The following NFX1 variants were observed in gnomAD, a reference collection of about 807,000 sequenced individuals.
NFX1 encodes transcriptional repressor NF-X1.
Under a neutral mutation model 137.2 loss-of-function variants are expected in NFX1, and 69 were observed. That is an observed-to-expected ratio of 0.50 (90% CI 0.41 to 0.61). NFX1 has a LOEUF of 0.61. Ranked by LOEUF, NFX1 falls within the 20% of genes least tolerant of loss-of-function variation. NFX1 has a pLI of 0.00. For synonymous variants in NFX1, 495 were observed against 474.1 expected, an observed-to-expected ratio of 1.04 and a Z score of -0.57; for missense variants, 1,167 against 1,391.0, an observed-to-expected ratio of 0.84 and a Z score of 2.56.
intron 1 of NFX1, among the ~76,000 whole-genome samples, chr9:33,293,228 CTCA>C (rs1821224880): frequency 6.6e-6 from 1 of 152,200 alleles, no homozygotes; most frequent in South Asian, 2.1e-4. Flanking sequence ...CTTCAGTTTT[CTCA>C]TCAGGAATGT....
At chr9:33,343,842 G>T (rs1051763306) in intron 13 of NFX1, among the ~76,000 whole-genome samples, 1 of 152,062 alleles carries the variant, frequency 6.6e-6, no homozygotes. Context: ...AGTTGTCAGG[G>T]TCATAGTAAT....
At chr9:33,346,623 T>G (rs1823430614) in intron 14 of NFX1, among the ~76,000 whole-genome samples, 1 of 152,172 alleles carries the variant, frequency 6.6e-6, no homozygotes, top group Non-Finnish European at 1.5e-5. Context: ...CCTCCCCTTA[T>G]AGGCAGTAAT....
chr9:33,350,873 T>C (rs1310617512), intron 15 of NFX1, among the ~76,000 whole-genome samples: 1 of 152,192 alleles, frequency 6.6e-6, no homozygotes, highest in Non-Finnish European at 1.5e-5. Context: ...GAGCTGAGTG[T>C]GGTGGTTCAT....
At chr9:33,367,011 C>T (rs1824189223) in intron 22 of NFX1, among the ~76,000 whole-genome samples, 1 of 152,258 alleles carries the variant, frequency 6.6e-6, no homozygotes, top group Non-Finnish European at 1.5e-5. Flanking sequence ...CATCTGCCTA[C>T]AGTCATAGCA....
At chr9:33,364,902 A>G (rs1824126084) in intron 21 of NFX1, 128 bp downstream of exon 21, 1 of 1,496,238 alleles carries the variant, frequency 6.7e-7, no homozygotes, top group African/African-American at 1.4e-5. Flanking sequence ...TTCTTTGAGG[A>G]TCCTTATCTT....
chr9:33,318,886 T>C (rs369908425), intron 8 of NFX1, 24 bp from the exon 9 acceptor site: 9 of 1,614,054 alleles, frequency 5.6e-6, no homozygotes, highest in Middle Eastern at 1.6e-4. Flanking sequence ...GCAACAATTA[T>C]GTAATAGTGT....
At chr9:33,360,968 G>A (rs183218075) in intron 19 of NFX1, among the ~76,000 whole-genome samples, 98 of 152,272 alleles carry the variant, frequency 6.4e-4, no homozygotes, top group African/African-American at 2.2e-3. Flanking sequence ...CTTGAATGTT[G>A]GTGAGATGCC....
chr9:33,357,769 C>A (rs1823860431), intron 19 of NFX1, among the ~76,000 whole-genome samples: 1 of 148,570 alleles, frequency 6.7e-6, no homozygotes, highest in Non-Finnish European at 1.5e-5. Flanking sequence ...TGGTCTCAAA[C>A]TTCTGGCTCA....
Position 33,294,944 on chromosome 9 carries a change from G to A in NFX1, c.550G>A (p.Val184Ile). Residue 184 changes from valine to isoleucine, a missense_variant, in exon 2 of 24, where the codon GTC becomes ATC. Coordinates refer to ENST00000379540, the MANE Select transcript of NFX1 (RefSeq NM_002504.6). Reference protein sequence around the residue: ...FVYSYGRGPKVKGKLKCEWSN... With the variant: ...FVYSYGRGPKIKGKLKCEWSN... ...ATACAGCTATGGTAGAGGACCAAAAGTCAAGGGGAAACTCAAATGTGAATG... is the reference window on the plus strand; with the variant it reads ...ATACAGCTATGGTAGAGGACCAAAAATCAAGGGGAAACTCAAATGTGAATG... 1 of 1,614,138 alleles carries A rather than the reference G, an allele frequency of 6.2e-7. No homozygotes were observed. Among genetic ancestry groups the A allele is most frequent in the Non-Finnish European group, 8.5e-7 (1 of 1,180,024 alleles).
intron 20 of NFX1, 100 bp from the exon 21 acceptor site, chr9:33,364,608 A>T: frequency 7.4e-7 from 1 of 1,352,566 alleles, no homozygotes; most frequent in Non-Finnish European, 1.0e-6. Flanking sequence ...TTTTACTGCC[A>T]GCATTGTCTA....
intron 18 of NFX1, 59 bp from the exon 19 acceptor site, chr9:33,354,792 T>C: frequency 6.8e-7 from 1 of 1,474,738 alleles, no homozygotes; most frequent in Non-Finnish European, 9.2e-7. Flanking sequence ...CTTTTCTTGC[T>C]GGATGGGAGC....
At chr9:33,297,815 G>A (rs1236194200) in intron 2 of NFX1, among the ~76,000 whole-genome samples, 2 of 152,120 alleles carry the variant, frequency 1.3e-5, no homozygotes, top group Non-Finnish European at 1.5e-5. Flanking sequence ...AGATCTCTCT[G>A]ACTTCTGTTT....
At chr9:33,349,275 A>G (rs1823548689) in intron 15 of NFX1, among the ~76,000 whole-genome samples, 1 of 152,206 alleles carries the variant, frequency 6.6e-6, no homozygotes. Flanking sequence ...GAAAACAGAC[A>G]ATAGCAGTAA....
chr9:33,364,207 A>G, intron 20 of NFX1, 99 bp downstream of exon 20: 1 of 711,302 alleles, frequency 1.4e-6, no homozygotes. Flanking sequence ...TGATTAAGCC[A>G]GTTCAAGTTT....
chr9:33,354,843 T>A lies in NFX1; in HGVS notation c.2832-8T>A. On this transcript the variant is annotated splice_region_variant and splice_polypyrimidine_tract_variant and intron_variant, in intron 18 of 23. Transcript: ENST00000379540. ...CTGACTTTAATTTTTTTTCATTTGC[T>A]TATCAAGGCTGGAGTGTGATGAGGA... is the stretch of plus-strand genomic sequence containing the variant. The A allele has an allele frequency of 6.2e-7, 1 of 1,612,810 alleles. No individual in the cohort carries two copies. The highest frequency in any genetic ancestry group is 8.5e-7 in the Non-Finnish European group (1 of 1,179,496).
chr9:33,302,776 T>C (rs926722998), intron 3 of NFX1, among the ~76,000 whole-genome samples: 2 of 151,926 alleles, frequency 1.3e-5, no homozygotes, highest in Non-Finnish European at 2.9e-5. Context: ...TTCAAGTGAT[T>C]CTTCTGCCTC....
At chr9:33,359,762 A>T (rs1823932403) in intron 19 of NFX1, among the ~76,000 whole-genome samples, 1 of 152,216 alleles carries the variant, frequency 6.6e-6, no homozygotes, top group African/African-American at 2.4e-5. Context: ...ATTCTAGCAA[A>T]GATTGATTAA....
At chr9:33,305,751 G>A (rs1056962464) in intron 4 of NFX1, among the ~76,000 whole-genome samples, 1 of 152,182 alleles carries the variant, frequency 6.6e-6, no homozygotes, top group Non-Finnish European at 1.5e-5. Context: ...CAAGGAAAAG[G>A]GCAGGTCAAA....
chr9:33,326,745 A>G (rs1255945227), intron 9 of NFX1, among the ~76,000 whole-genome samples: 1 of 152,140 alleles, frequency 6.6e-6, no homozygotes, highest in Non-Finnish European at 1.5e-5. Context: ...CTATAAATAT[A>G]TATATTTGTT....
Sources: allele counts gnomAD v4.1 joint callset (sites outside exome capture counted in the v4.1 genomes callset), GRCh38; gene constraint gnomAD v4.1.1; transcripts MANE v1.5; gene names NCBI Gene and HGNC (gene_info 2026-07-23, HGNC 2026-07-21).